Variants in ACBD3 observed in about 807,000 individuals in gnomAD.
ACBD3 encodes the protein Golgi resident protein GCP60.
A neutral mutation model predicts 66.9 loss-of-function variants in ACBD3; 30 were observed. That is an observed-to-expected ratio of 0.45 (90% CI 0.34 to 0.61). The LOEUF (loss-of-function observed/expected upper bound fraction) is 0.61, where lower values mean the gene tolerates loss of function less well. ACBD3 is among the 20% of genes least tolerant of loss of function. The probability of loss-of-function intolerance (pLI) is 0.02; values close to 1 mark genes in which losing one functional copy is unlikely to be tolerated. For missense variants in ACBD3, 544 were observed against 664.5 expected, an observed-to-expected ratio of 0.82 and a Z score of 1.99; for synonymous variants, 278 against 259.8, an observed-to-expected ratio of 1.07 and a Z score of -0.68.
chr1:226,183,370 G>C (rs1164016571), intron 1 of ACBD3, among the ~76,000 whole-genome samples: 2 of 151,974 alleles, frequency 1.3e-5, no homozygotes, highest in South Asian at 2.1e-4. Flanking sequence ...TTTTAGTACA[G>C]ATGAGGTTTC....
chr1:226,176,556 T>C (rs1268713454), intron 1 of ACBD3, among the ~76,000 whole-genome samples: 3 of 152,310 alleles, frequency 2.0e-5, no homozygotes, highest in South Asian at 4.1e-4. Flanking sequence ...TGTGTGGTTT[T>C]TGTTTGCTTT....
At chr1:226,168,551 G>A (rs189218927) in intron 1 of ACBD3, among the ~76,000 whole-genome samples, 2 of 152,336 alleles carry the variant, frequency 1.3e-5, no homozygotes, top group Admixed American at 6.5e-5. Flanking sequence ...TGGCATTTCA[G>A]TAAAGGACAG....
intron 1 of ACBD3, among the ~76,000 whole-genome samples, chr1:226,176,631 G>T (rs1470309747): frequency 1.3e-5 from 2 of 151,950 alleles, no homozygotes; most frequent in African/African-American, 4.8e-5. Flanking sequence ...TGATCCTGGT[G>T]GTCTTTGGCA....
rs568245225 is a variant in ACBD3 at position 226,169,450 on chromosome 1, T to C, written c.287-3450A>G. ...ATTTTTAGTAGAGACGGGGTTTCAC[T>C]GTGTTAGCCAGGATGGTCTCGATCT... is the stretch of plus-strand genomic sequence containing the variant. On this transcript the variant is annotated intron_variant, in intron 1 of 7. Coordinates refer to ENST00000366812, the MANE Select transcript of ACBD3 (RefSeq NM_022735.4). 1.1e-4 allele frequency among the ~76,000 whole-genome samples: 17 copies of C among 151,706 alleles called. 1 individual carries two copies. Among genetic ancestry groups the C allele is most frequent in the East Asian group, 9.7e-4 (5 of 5,140 alleles).
intron 5 of ACBD3, 163 bp from the exon 6 acceptor site, chr1:226,154,996 TTATTAGTACAA>T (rs1659645560): frequency 9.2e-6 from 4 of 433,468 alleles, no homozygotes; most frequent in East Asian, 3.5e-5. Context: ...ATAATGAATA[TTATTAGTACAA>T]TATCAAACTG....
At position 226,186,719 on chromosome 1, in the gene ACBD3, G is replaced by A; in HGVS notation, c.-44C>T. On this transcript the variant is annotated 5_prime_UTR_variant, in exon 1 of 8. In the 5' UTR this introduces an upstream ATG that the reference lacks. Coordinates refer to ENST00000366812, the MANE Select transcript of ACBD3 (RefSeq NM_022735.4). ...CTCAGCGGGGACAGACGGCAGCCAC[G>A]TATCGACTTCCTGCTGACCTCTGAC... 10 of 1,436,378 alleles carry A rather than the reference G, an allele frequency of 7.0e-6. No individual in the cohort carries two copies. Among genetic ancestry groups the A allele is most frequent in the Admixed American group, 2.6e-5 (1 of 38,092 alleles). The allele number at this position is 1,436,378 out of a possible 1,614,324, so 89.0% of individuals were successfully genotyped here.
rs759069785 is a variant in ACBD3 at position 226,146,580 on chromosome 1, C to A, written c.*30G>T. ...AAATTAAATGTCATCTTCTGCCCAA[C>A]CCTAGACTCCAGACTTTGTAACAAC... is the stretch of plus-strand genomic sequence containing the variant. On this transcript the variant is annotated 3_prime_UTR_variant, in exon 8 of 8. Transcript: ENST00000366812. The A allele has an allele frequency of 6.3e-7, 1 of 1,589,096 alleles. No homozygotes were observed. The highest frequency in any genetic ancestry group is 1.1e-5 in the South Asian group (1 of 90,240).
At chr1:226,147,645 G>C (rs182735776) in intron 7 of ACBD3, among the ~76,000 whole-genome samples, 32 of 152,268 alleles carry the variant, frequency 2.1e-4, no homozygotes, top group African/African-American at 7.2e-4. Context: ...ATAGTAGAGA[G>C]ATAGGCATTC....
Position 226,165,915 on chromosome 1 carries a change from A to G in ACBD3, c.372T>C (p.Tyr124=), listed in dbSNP as rs1369942485. Residue 124 remains tyrosine, a synonymous_variant, in exon 2 of 8, where the codon TAT becomes TAC. Transcript: ENST00000366812. ...ALHKQVLMGP[Y]NPDTCPEVGF... ...CAACCTCAGGACAAGTGTCTGGATT[A>G]TATGGGCCCATAAGAACTTGCTTAT... 3.1e-6 allele frequency: 5 copies of G among 1,613,682 alleles called. No homozygotes were observed. Among genetic ancestry groups the G allele is most frequent in the Non-Finnish European group, 4.2e-6 (5 of 1,179,928 alleles).
chr1:226,176,922 ATTGT>A (rs1287787245), intron 1 of ACBD3, among the ~76,000 whole-genome samples: 1 of 152,202 alleles, frequency 6.6e-6, no homozygotes, highest in African/African-American at 2.4e-5. Context: ...ATTGTTAGAA[ATTGT>A]TTATTAACTG....
At chr1:226,152,171 C>G (rs1321152164) in intron 7 of ACBD3, among the ~76,000 whole-genome samples, 164 bp downstream of exon 7, 1 of 152,152 alleles carries the variant, frequency 6.6e-6, no homozygotes, top group African/African-American at 2.4e-5. Flanking sequence ...CCTACAGGAG[C>G]CTGGCCTCAT....
chr1:226,184,967 A>C (rs1024428388), intron 1 of ACBD3, among the ~76,000 whole-genome samples: 2 of 152,066 alleles, frequency 1.3e-5, no homozygotes, highest in African/African-American at 4.8e-5. Flanking sequence ...AAAAAAAAAA[A>C]AAAAGGAATT....
intron 4 of ACBD3, 142 bp from the exon 5 acceptor site, chr1:226,159,500 C>T: frequency 1.4e-6 from 1 of 695,082 alleles, no homozygotes; most frequent in Non-Finnish European, 2.2e-6. Flanking sequence ...AGTATGTGTT[C>T]TGGGTCCAGA....
At chr1:226,149,792 T>G (rs987946788) in intron 7 of ACBD3, among the ~76,000 whole-genome samples, 6 of 151,864 alleles carry the variant, frequency 4.0e-5, no homozygotes, top group African/African-American at 1.5e-4. Context: ...TCCATCCGCT[T>G]TGGCCTCCCA....
chr1:226,169,661 C>T (rs1490283839), intron 1 of ACBD3, among the ~76,000 whole-genome samples: 2 of 146,924 alleles, frequency 1.4e-5, no homozygotes, highest in East Asian at 2.0e-4. Context: ...CGGCCTGCCT[C>T]GGCCTCCCAA....
At chr1:226,159,893 T>C (rs1226555115) in intron 4 of ACBD3, among the ~76,000 whole-genome samples, 1 of 152,122 alleles carries the variant, frequency 6.6e-6, no homozygotes, top group Non-Finnish European at 1.5e-5. Context: ...TGTACCTAAA[T>C]ACATAAAAAA....
In ACBD3 at chr1:226,167,905, A is replaced by G. The variant is rs185144292; in HGVS notation, c.287-1905T>C. Among the ~76,000 whole-genome samples the G allele has an allele frequency of 2.7e-4, 41 of 152,312 alleles. 1 individual carries two copies. The highest frequency in any genetic ancestry group is 8.9e-4 in the African/African-American group (37 of 41,578). ...CCCCACCTCCCATCAGATAAACAAAAAAGTTAGATAACATCTAAAGTTATT... is the reference window on the plus strand; with the variant it reads ...CCCCACCTCCCATCAGATAAACAAAGAAGTTAGATAACATCTAAAGTTATT... On this transcript the variant is annotated intron_variant, in intron 1 of 7. Coordinates refer to ENST00000366812, the MANE Select transcript of ACBD3 (RefSeq NM_022735.4).
chr1:226,184,898 A>C (rs541941149), intron 1 of ACBD3, among the ~76,000 whole-genome samples: 23 of 150,184 alleles, frequency 1.5e-4, no homozygotes, highest in South Asian at 1.3e-3. Context: ...TCCCGGGTTC[A>C]AGTGATTCTC....
intron 1 of ACBD3, among the ~76,000 whole-genome samples, chr1:226,168,639 C>T (rs1659918354): frequency 6.6e-6 from 1 of 152,088 alleles, no homozygotes; most frequent in African/African-American, 2.4e-5. Flanking sequence ...GTGTGGTAGC[C>T]ACCATAACAT....
Sources: allele counts gnomAD v4.1 joint callset (sites outside exome capture counted in the v4.1 genomes callset), GRCh38; gene constraint gnomAD v4.1.1; transcripts MANE v1.5; gene names NCBI Gene and HGNC (gene_info 2026-07-23, HGNC 2026-07-21).